Variants in ALDH4A1 observed in about 807,000 individuals in gnomAD.
The protein encoded by ALDH4A1 is aldehyde dehydrogenase 4 family member A1.
ALDH4A1 carries 46 observed loss-of-function variants against 70.5 expected under a neutral mutation model. That is an observed-to-expected ratio of 0.65 (90% CI 0.51 to 0.83). The LOEUF is 0.83. Ranked by LOEUF, ALDH4A1 falls within the 40% of genes least tolerant of loss-of-function variation. The pLI, the probability that ALDH4A1 is intolerant of heterozygous loss-of-function variation, is 0.00. For synonymous variants in ALDH4A1, 323 were observed against 324.3 expected (o/e 1.00, Z 0.04); for missense variants, 749 against 766.5 (o/e 0.98, Z 0.27).
At chr1:18,878,215 G>A (rs1266920272) in intron 9 of ALDH4A1, among the ~76,000 whole-genome samples, 2 of 152,176 alleles carry the variant, frequency 1.3e-5, no homozygotes, top group Admixed American at 6.5e-5. Flanking sequence ...GACGAAGTAC[G>A]CTGTGCTTTG....
chr1:18,902,542 C>A lies in ALDH4A1; in HGVS notation c.-19G>T, dbSNP rs569212785. Reference sequence around the variant, plus strand: ...GCAGCATCTCGGGTTAGAAGCGGGGCTGTTCGCTGGATCGTCCGCCCGGGC... The same window carrying A: ...GCAGCATCTCGGGTTAGAAGCGGGGATGTTCGCTGGATCGTCCGCCCGGGC... On this transcript the variant is annotated 5_prime_UTR_variant, in exon 1 of 15. Coordinates refer to ENST00000375341, the MANE Select transcript of ALDH4A1 (RefSeq NM_003748.4). 2.0e-6 allele frequency: 3 copies of A among 1,483,812 alleles called. No homozygotes were observed. Among genetic ancestry groups the A allele is most frequent in the East Asian group, 2.7e-5 (1 of 36,858 alleles). The allele number at this position is 1,483,812 out of a possible 1,614,324, so 91.9% of individuals were successfully genotyped here. A position where few individuals can be genotyped will look rare whatever the true frequency, so the allele number is the denominator to read the frequency against.
intron 1 of ALDH4A1, among the ~76,000 whole-genome samples, chr1:18,892,135 T>C (rs995047754): frequency 2.6e-5 from 4 of 151,938 alleles, no homozygotes; most frequent in Non-Finnish European, 5.9e-5. Context: ...TTTTGCCCTA[T>C]GGGAGACAGA....
intron 9 of ALDH4A1, 110 bp downstream of exon 9, chr1:18,879,190 T>C (rs778578709): frequency 1.2e-5 from 13 of 1,119,958 alleles, no homozygotes; most frequent in Admixed American, 6.1e-5. Flanking sequence ...CCTGAAATGG[T>C]TCATCCACCT....
chr1:18,891,332 A>C (rs1935423662), intron 1 of ALDH4A1, among the ~76,000 whole-genome samples: 1 of 152,220 alleles, frequency 6.6e-6, no homozygotes, highest in South Asian at 2.1e-4. Flanking sequence ...TACAGAAATA[A>C]GGTCATTTTG....
chr1:18,881,633 G>C, intron 8 of ALDH4A1, 67 bp downstream of exon 8: 1 of 1,467,056 alleles, frequency 6.8e-7, no homozygotes, highest in Non-Finnish European at 9.1e-7. Flanking sequence ...CCATCCCCAG[G>C]CAGACAGCAG....
At chr1:18,885,431 A>AACCCCCCCCCC in intron 5 of ALDH4A1, 42 bp downstream of exon 5, 5 of 478,974 alleles carry the variant, frequency 1.0e-5, no homozygotes, top group Non-Finnish European at 1.4e-5. Context: ...CCTGACTCCC[A>AACCCCCCCCCC]CCCCACCCCG....
chr1:18,879,507 A>G (rs1353796971), intron 8 of ALDH4A1, 134 bp from the exon 9 acceptor site: 3 of 776,426 alleles, frequency 3.9e-6, no homozygotes, highest in Non-Finnish European at 6.8e-6. Context: ...GGCTGGGAAC[A>G]GGCTGCATTC....
Position 18,872,767 on chromosome 1 carries a change from G to A in ALDH4A1, c.*78C>T, listed in dbSNP as rs1446470724. On this transcript the variant is annotated 3_prime_UTR_variant, in exon 15 of 15. Transcript: ENST00000375341. The stretch of plus-strand genomic sequence containing the variant: ...CAGCTGTGCATGAAGAAGGGGTGGA[G>A]GGGCTGGAGTGGGGTCTGTGCAGTG... 26 of 1,062,524 alleles carry A rather than the reference G, an allele frequency of 2.4e-5. No homozygotes were observed. Among genetic ancestry groups the A allele is most frequent in the Non-Finnish European group, 3.6e-5 (25 of 697,938 alleles). 65.8% of individuals were successfully genotyped at this position (1,062,524 alleles called of 1,614,324 possible).
chr1:18,892,562 G>T (rs181134904), intron 1 of ALDH4A1, among the ~76,000 whole-genome samples: 1,860 of 151,838 alleles, frequency 0.012, 47 homozygotes, highest in African/African-American at 0.042. Flanking sequence ...AGGAGGCGGG[G>T]GGGGGCTGAG....
At chr1:18,901,494 G>A (rs897249516) in intron 1 of ALDH4A1, among the ~76,000 whole-genome samples, 2 of 152,214 alleles carry the variant, frequency 1.3e-5, no homozygotes, top group African/African-American at 4.8e-5. Flanking sequence ...ACCCCTCTGG[G>A]GCAGGGTCTG....
intron 1 of ALDH4A1, among the ~76,000 whole-genome samples, chr1:18,893,189 G>A (rs565410368): frequency 1.3e-5 from 2 of 152,182 alleles, no homozygotes; most frequent in African/African-American, 4.8e-5. Flanking sequence ...GGACAAATCC[G>A]GAGGCAAAGC....
At chr1:18,878,784 C>G (rs1368760818) in intron 9 of ALDH4A1, among the ~76,000 whole-genome samples, 1 of 152,128 alleles carries the variant, frequency 6.6e-6, no homozygotes, top group Admixed American at 6.5e-5. Context: ...ATTTCCTTGA[C>G]CATGAAACTG....
At chr1:18,887,462 G>T (rs1271947832) in intron 3 of ALDH4A1, among the ~76,000 whole-genome samples, 1 of 152,204 alleles carries the variant, frequency 6.6e-6, no homozygotes, top group Non-Finnish European at 1.5e-5. Flanking sequence ...AGCTGGGCGT[G>T]GTGGCGGATG....
At position 18,877,427 on chromosome 1, in the gene ALDH4A1, T is replaced by C. The variant is rs373944705; in HGVS notation, c.1126A>G (p.Lys376Glu). The C allele has an allele frequency of 7.0e-6, 11 of 1,576,542 alleles. No homozygotes were observed. In the Admixed American group the frequency reaches 9.0e-5, roughly 13 times the overall value. The stretch of plus-strand genomic sequence containing the variant: ...ACGGTGCCACTCACGTCGCCCACTT[T>C]GATCCGACTGTGCTCCTCCAGCAGC... ...GRLLEEHSRI[K>E]VGDPAEDFGT... Residue 376 changes from lysine to glutamate, a missense_variant, in exon 10 of 15, where the codon AAA becomes GAA. By Grantham distance (56) the Lys-to-Glu change is moderately conservative. Coordinates refer to ENST00000375341, the MANE Select transcript of ALDH4A1 (RefSeq NM_003748.4).
chr1:18,892,718 A>C (rs1161663088), intron 1 of ALDH4A1, among the ~76,000 whole-genome samples: 1 of 122,542 alleles, frequency 8.2e-6, no homozygotes, highest in Admixed American at 8.7e-5. Flanking sequence ...TGCACTCCCC[A>C]CCCCCACTCT....
intron 1 of ALDH4A1, among the ~76,000 whole-genome samples, chr1:18,895,791 A>G (rs1935597124): frequency 6.6e-6 from 1 of 152,206 alleles, no homozygotes; most frequent in Non-Finnish European, 1.5e-5. Flanking sequence ...CCGAGGTACT[A>G]GTCACTTCAA....
chr1:18,889,875 C>T, intron 2 of ALDH4A1, 137 bp downstream of exon 2: 1 of 803,680 alleles, frequency 1.2e-6, no homozygotes, highest in South Asian at 1.8e-5. Flanking sequence ...CACAGCCCTC[C>T]CAGGCTTCCA....
intron 12 of ALDH4A1, 50 bp downstream of exon 12, chr1:18,876,265 C>G (rs1934674485): frequency 1.2e-6 from 2 of 1,602,516 alleles, no homozygotes; most frequent in African/African-American, 2.7e-5. Context: ...GTGTGCTGTG[C>G]TCCGGTGGGA....
At chr1:18,889,899 G>A in intron 2 of ALDH4A1, 113 bp downstream of exon 2, 6 of 949,964 alleles carry the variant, frequency 6.3e-6, no homozygotes, top group Non-Finnish European at 9.4e-6. Flanking sequence ...AAGGCTGGGA[G>A]CAAGGGTAGA....
Sources: allele counts gnomAD v4.1 joint callset (sites outside exome capture counted in the v4.1 genomes callset), GRCh38; gene constraint gnomAD v4.1.1; transcripts MANE v1.5; gene names NCBI Gene and HGNC (gene_info 2026-07-23, HGNC 2026-07-21).